FRMD3: variants seen among roughly 807,000 people sequenced by gnomAD.
The protein encoded by FRMD3 is FERM domain containing 3.
A neutral mutation model predicts 70.2 loss-of-function variants in FRMD3; 33 were observed. That is an observed-to-expected ratio of 0.47 (90% CI 0.36 to 0.63). The LOEUF is 0.63. Among genes scored for constraint, FRMD3 ranks in the 20% least tolerant of loss-of-function variants. FRMD3 has a pLI of 0.00. For synonymous variants in FRMD3, 279 were observed against 255.9 expected, an observed-to-expected ratio of 1.09 and a Z score of -0.86; for missense variants, 632 against 711.4, an observed-to-expected ratio of 0.89 and a Z score of 1.27.
intron 1 of FRMD3, among the ~76,000 whole-genome samples, chr9:83,428,474 CCATATATA>C (rs975066001): frequency 6.6e-6 from 1 of 151,858 alleles, no homozygotes; most frequent in Non-Finnish European, 1.5e-5. Context: ...AAGGATACTT[CCATATATA>C]CATATATACA....
At chr9:83,437,728 C>T (rs1827176968) in intron 1 of FRMD3, among the ~76,000 whole-genome samples, 1 of 152,168 alleles carries the variant, frequency 6.6e-6, no homozygotes, top group Non-Finnish European at 1.5e-5. Context: ...AGACGTGGGT[C>T]TTCCATGGAA....
intron 1 of FRMD3, among the ~76,000 whole-genome samples, chr9:83,406,129 G>A (rs951893171): frequency 6.6e-6 from 1 of 152,146 alleles, no homozygotes; most frequent in Admixed American, 6.5e-5. Flanking sequence ...TTGCTAAGGA[G>A]CTGCAGGAGT....
chr9:83,479,671 GGAAA>G (rs1290109477), intron 1 of FRMD3, among the ~76,000 whole-genome samples: 1,899 of 29,228 alleles, frequency 0.065, 43 homozygotes, highest in Middle Eastern at 0.08. Flanking sequence ...AAGGAAGGAA[GGAAA>G]GAAAGAAAGA....
chr9:83,274,477 A>G (rs535174076), intron 13 of FRMD3, among the ~76,000 whole-genome samples: 5 of 152,356 alleles, frequency 3.3e-5, no homozygotes, highest in Admixed American at 3.3e-4. Context: ...GTCATAGAGG[A>G]GGAGCCACTT....
Position 83,386,286 on chromosome 9 carries a change from C to A in FRMD3, c.252+3318G>T, listed in dbSNP as rs535736587. Among the ~76,000 whole-genome samples, 6 of 152,260 alleles carry A rather than the reference C, an allele frequency of 3.9e-5. No homozygotes were observed. In the South Asian group the frequency reaches 1.2e-3, roughly 32 times the overall value. On this transcript the variant is annotated intron_variant, in intron 2 of 13. Coordinates refer to ENST00000304195, the MANE Select transcript of FRMD3 (RefSeq NM_174938.6). ...ACCCAAGTGAAAGCTACACTCACAT[C>A]GTATCCTCAAAATCAAAAGGCTATA...
chr9:83,565,398 G>C, the FRMD3 span, among the ~76,000 whole-genome samples: 1 of 152,174 alleles, frequency 6.6e-6, no homozygotes, highest in South Asian at 2.1e-4. Flanking sequence ...AGACTGTGAA[G>C]AATGACGGGA....
the FRMD3 span, among the ~76,000 whole-genome samples, chr9:83,555,026 T>C: frequency 2.0e-5 from 3 of 152,198 alleles, no homozygotes; most frequent in South Asian, 6.2e-4. Flanking sequence ...ACAAACCTTT[T>C]GCTGGCCCAA....
At chr9:83,298,978 G>T in intron 11 of FRMD3, 134 bp downstream of exon 11, 1 of 928,200 alleles carries the variant, frequency 1.1e-6, no homozygotes, top group Non-Finnish European at 1.7e-6. Flanking sequence ...GTGAGCATAA[G>T]ACAGCAATGG....
At chr9:83,314,814 T>C (rs1383740122) in intron 6 of FRMD3, among the ~76,000 whole-genome samples, 1 of 152,132 alleles carries the variant, frequency 6.6e-6, no homozygotes, top group Non-Finnish European at 1.5e-5. Flanking sequence ...TTGATTCTTT[T>C]CTTCCCTTCC....
At chr9:83,316,048 A>G (rs1046742768) in intron 6 of FRMD3, among the ~76,000 whole-genome samples, 3 of 151,420 alleles carry the variant, frequency 2.0e-5, no homozygotes, top group Non-Finnish European at 4.4e-5. Context: ...TCCAAAGATG[A>G]TATTTTCTCC....
intron 1 of FRMD3, among the ~76,000 whole-genome samples, chr9:83,523,138 T>G (rs1829613605): frequency 6.6e-6 from 1 of 151,708 alleles, no homozygotes; most frequent in Non-Finnish European, 1.5e-5. Flanking sequence ...AAATGTTTGT[T>G]TGGTGAATGG....
chr9:83,356,548 T>C (rs1824351129), intron 3 of FRMD3, among the ~76,000 whole-genome samples: 1 of 151,648 alleles, frequency 6.6e-6, no homozygotes. Flanking sequence ...AGTGCTGGGA[T>C]TACAGGGGTG....
chr9:83,382,956 C>T (rs970980816), intron 2 of FRMD3, among the ~76,000 whole-genome samples: 1 of 152,166 alleles, frequency 6.6e-6, no homozygotes, highest in Non-Finnish European at 1.5e-5. Context: ...TATCACTTTT[C>T]CCCCAAAACC....
the FRMD3 span, among the ~76,000 whole-genome samples, chr9:83,579,994 G>C: frequency 3.3e-5 from 5 of 152,076 alleles, no homozygotes; most frequent in Non-Finnish European, 7.4e-5. Context: ...CTTCTCAAAA[G>C]AAGACATACG....
the FRMD3 span, among the ~76,000 whole-genome samples, chr9:83,564,950 G>A: frequency 6.6e-6 from 1 of 152,208 alleles, no homozygotes; most frequent in East Asian, 1.9e-4. Context: ...AAAAGGCAGA[G>A]GCAGCAGATG....
chr9:83,352,624 T>C (rs2131193292), intron 3 of FRMD3, among the ~76,000 whole-genome samples: 1 of 152,280 alleles, frequency 6.6e-6, no homozygotes, highest in South Asian at 2.1e-4. Flanking sequence ...AAGATGACAC[T>C]TGTGGGCCTT....
At chr9:83,531,672 G>C (rs965040030) in intron 1 of FRMD3, among the ~76,000 whole-genome samples, 1 of 152,192 alleles carries the variant, frequency 6.6e-6, no homozygotes, top group African/African-American at 2.4e-5. Flanking sequence ...TTCACCAGCA[G>C]GATCATCATG....
At chr9:83,311,829 G>A in intron 8 of FRMD3, 58 bp downstream of exon 8, 5 of 1,202,208 alleles carry the variant, frequency 4.2e-6, no homozygotes, top group Non-Finnish European at 4.9e-6. Flanking sequence ...GCCAAGGAGG[G>A]GACGGAGGAA....
At chr9:83,316,374 C>T (rs183653477) in intron 6 of FRMD3, among the ~76,000 whole-genome samples, 1 of 152,192 alleles carries the variant, frequency 6.6e-6, no homozygotes, top group Admixed American at 6.5e-5. Context: ...CCAGGCTAGT[C>T]TTGAAGTCCT....
Sources: allele counts gnomAD v4.1 joint callset (sites outside exome capture counted in the v4.1 genomes callset), GRCh38; gene constraint gnomAD v4.1.1; transcripts MANE v1.5; gene names NCBI Gene and HGNC (gene_info 2026-07-23, HGNC 2026-07-21).